NNT: variants seen among roughly 807,000 people sequenced by gnomAD.
NNT encodes the protein NAD(P) transhydrogenase, mitochondrial.
A neutral mutation model predicts 104.8 loss-of-function variants in NNT; 50 were observed. The observed-to-expected ratio is 0.48, with a 90% CI of 0.38 to 0.60. The LOEUF (loss-of-function observed/expected upper bound fraction) is 0.60. Among genes scored for constraint, NNT ranks in the 20% least tolerant of loss-of-function variants. NNT has a pLI of 0.00. For missense variants in NNT, 1,131 were observed against 1,330.7 expected, an observed-to-expected ratio of 0.85 and a Z score of 2.33; for synonymous variants, 461 against 490.4, an observed-to-expected ratio of 0.94 and a Z score of 0.79.
intron 10 of NNT, 197 bp downstream of exon 10, chr5:43,645,707 A>ATGTT: frequency 1.2e-5 from 1 of 85,240 alleles, no homozygotes; most frequent in Non-Finnish European, 2.2e-5. Flanking sequence ...ATATATATAT[A>ATGTT]TATTTTTTTT....
At chr5:43,663,146 GCAAA>G (rs1003316850) in intron 17 of NNT, among the ~76,000 whole-genome samples, 1 of 151,782 alleles carries the variant, frequency 6.6e-6, no homozygotes, top group Non-Finnish European at 1.5e-5. Flanking sequence ...TAGTATTATA[GCAAA>G]CAGATATTAC....
intron 6 of NNT, among the ~76,000 whole-genome samples, chr5:43,627,886 ACAT>A (rs1380427070): frequency 6.6e-6 from 1 of 152,188 alleles, no homozygotes; most frequent in African/African-American, 2.4e-5. Flanking sequence ...ATGAGGTATC[ACAT>A]CATCATCCAC....
Position 43,659,316 on chromosome 5 carries a change from C to G in NNT, c.2600C>G (p.Ser867Trp), listed in dbSNP as rs748661517. Residue 867 changes from serine to tryptophan, a missense_variant, in exon 17 of 22, where the codon TCG (serine) becomes TGG (tryptophan). By Grantham distance (177) the Ser-to-Trp change is radical (BLOSUM62 -3). Transcript: ENST00000344920. ...ACCATCGTGGGTGCACTCATAGGCT[C>G]GTCTGGTGCTATCCTGTCATACATC... ...LLTIVGALIG[S>W]SGAILSYIMC... The G allele has an allele frequency of 6.2e-7, 1 of 1,613,446 alleles. No individual in the cohort carries two copies. The highest frequency in any genetic ancestry group is 1.3e-5 in the African/African-American group (1 of 74,838).
chr5:43,686,765 G>A (rs1198496231), intron 19 of NNT, among the ~76,000 whole-genome samples: 1 of 152,096 alleles, frequency 6.6e-6, no homozygotes, highest in Non-Finnish European at 1.5e-5. Flanking sequence ...TCTGCCAGGT[G>A]TTGGCCTAAA....
intron 10 of NNT, among the ~76,000 whole-genome samples, chr5:43,646,464 A>ATTT (rs373535709): frequency 7.3e-6 from 1 of 136,318 alleles, no homozygotes. Context: ...TAATTTTTGT[A>ATTT]TTTTTTTTTT....
intron 7 of NNT, among the ~76,000 whole-genome samples, chr5:43,634,765 C>T (rs1475914950): frequency 6.6e-6 from 1 of 152,184 alleles, no homozygotes. Flanking sequence ...AGCAACTTGT[C>T]CTCAAGTGGA....
At chr5:43,665,697 A>G (rs745589017) in intron 17 of NNT, among the ~76,000 whole-genome samples, 1 of 143,538 alleles carries the variant, frequency 7.0e-6, no homozygotes, top group African/African-American at 2.4e-5. Context: ...TTTCTATTCG[A>G]CAAAACCGCC....
intron 7 of NNT, among the ~76,000 whole-genome samples, chr5:43,639,900 T>G (rs1751132470): frequency 6.6e-6 from 1 of 151,986 alleles, no homozygotes. Flanking sequence ...CCTTGTTAAT[T>G]TTATTCTGTC....
rs1561273945 is a variant in NNT at position 43,628,253 on chromosome 5, A to T, written c.830A>T (p.Asp277Val). Reference protein sequence around the residue: ...KSLGAEPLEVDLKESGEGQGG... With the variant: ...KSLGAEPLEVVLKESGEGQGG... ...CTTGGTGCTGAGCCCTTGGAGGTGG[A>T]CTTGAAGGAATCTGGTGAGGGACAA... Residue 277 changes from aspartate to valine, a missense_variant, in exon 7 of 22, where the codon GAC becomes GTC. Asp to Val is a radical substitution (Grantham distance 152). Coordinates refer to ENST00000344920, the MANE Select transcript of NNT (RefSeq NM_182977.3). 1 of 1,613,962 alleles carries T rather than the reference A, an allele frequency of 6.2e-7. No individual in the cohort carries two copies. The highest frequency in any genetic ancestry group is 8.5e-7 in the Non-Finnish European group (1 of 1,179,952).
At chr5:43,656,448 T>C (rs1740051701) in intron 15 of NNT, among the ~76,000 whole-genome samples, 1 of 152,210 alleles carries the variant, frequency 6.6e-6, no homozygotes, top group South Asian at 2.1e-4. Flanking sequence ...GCTTTGAAGC[T>C]GTTTCATTTG....
chr5:43,660,026 A>G (rs1740271798), intron 17 of NNT, among the ~76,000 whole-genome samples: 1 of 152,228 alleles, frequency 6.6e-6, no homozygotes, highest in Admixed American at 6.5e-5. Context: ...GTCATTAAAA[A>G]TTCTTTTAAA....
chr5:43,670,961 G>T (rs1436700091), intron 17 of NNT, among the ~76,000 whole-genome samples: 1 of 152,152 alleles, frequency 6.6e-6, no homozygotes, highest in African/African-American at 2.4e-5. Context: ...ATGAATCCGG[G>T]TGCCCCTGTA....
intron 5 of NNT, among the ~76,000 whole-genome samples, chr5:43,623,668 T>C (rs1460214134): frequency 6.6e-6 from 1 of 152,212 alleles, no homozygotes; most frequent in Non-Finnish European, 1.5e-5. Flanking sequence ...AATGCCACAC[T>C]GGGACTTTTA....
At chr5:43,666,789 C>T (rs1740722605) in intron 17 of NNT, 1 of 1,309,434 alleles carries the variant, frequency 7.6e-7, no homozygotes, top group Non-Finnish European at 1.1e-6. Context: ...TTGTAGGGGC[C>T]TCGGTACCTT....
chr5:43,667,257 C>T (rs1365277267), intron 17 of NNT: 48 of 822,800 alleles, frequency 5.8e-5, no homozygotes, highest in Middle Eastern at 3.4e-4. Flanking sequence ...CTGCCGGTCC[C>T]GAAGTGCCTA....
chr5:43,691,613 C>A (rs1478332915), intron 19 of NNT, among the ~76,000 whole-genome samples: 2 of 152,160 alleles, frequency 1.3e-5, no homozygotes, highest in Non-Finnish European at 2.9e-5. Flanking sequence ...AAATTGATAA[C>A]AGTTGAAATA....
chr5:43,696,772 T>C (rs941051551), intron 19 of NNT, among the ~76,000 whole-genome samples: 5 of 152,238 alleles, frequency 3.3e-5, no homozygotes, highest in Admixed American at 6.5e-5. Context: ...TACCAAGGCT[T>C]GGGGCTTCCA....
At chr5:43,639,087 T>A (rs944380493) in intron 7 of NNT, among the ~76,000 whole-genome samples, 2 of 152,138 alleles carry the variant, frequency 1.3e-5, no homozygotes, top group African/African-American at 4.8e-5. Flanking sequence ...AAGAAGCCAA[T>A]GATATATTCT....
intron 5 of NNT, among the ~76,000 whole-genome samples, chr5:43,622,337 AG>A (rs1750143091): frequency 6.6e-6 from 1 of 152,216 alleles, no homozygotes; most frequent in Non-Finnish European, 1.5e-5. Context: ...AGGCCAGAGG[AG>A]GGGAAGGTTA....
Sources: allele counts gnomAD v4.1 joint callset (sites outside exome capture counted in the v4.1 genomes callset), GRCh38; gene constraint gnomAD v4.1.1; transcripts MANE v1.5; gene names NCBI Gene and HGNC (gene_info 2026-07-23, HGNC 2026-07-21).